Variants in KSR2 observed in about 807,000 individuals in gnomAD.
The protein encoded by KSR2 is kinase suppressor of ras 2.
In KSR2, 25 loss-of-function variants were observed where a neutral mutation model predicts 107.8. The ratio of observed to expected loss-of-function variants is 0.23; its 90% CI spans 0.17 to 0.32. KSR2 has a LOEUF of 0.32. Ranked by LOEUF, KSR2 falls within the 10% of genes least tolerant of loss-of-function variation. The pLI is 1.00. For missense variants in KSR2, 887 were observed against 1,268.9 expected (o/e 0.70, Z 4.57); for synonymous variants, 480 against 507.0 (o/e 0.95, Z 0.71).
intron 1 of KSR2, among the ~76,000 whole-genome samples, chr12:117,864,942 G>A (rs764063259): frequency 1.3e-5 from 2 of 152,020 alleles, no homozygotes; most frequent in Non-Finnish European, 2.9e-5. Context: ...GAACATGGAC[G>A]TTTGAAAGAC....
chr12:117,682,248 A>C (rs1885394072), intron 4 of KSR2, among the ~76,000 whole-genome samples: 2 of 151,866 alleles, frequency 1.3e-5, no homozygotes, highest in Admixed American at 6.6e-5. Flanking sequence ...GAAGGGAACA[A>C]CACACACTGG....
intron 4 of KSR2, chr12:117,674,529 C>T (rs552651469): frequency 3.7e-4 from 147 of 398,894 alleles, no homozygotes; most frequent in Admixed American, 1.0e-3. Context: ...CCTCCAGCCC[C>T]TGCACCACCA....
At chr12:117,940,577 G>A (rs1177743531) in intron 1 of KSR2, among the ~76,000 whole-genome samples, 2 of 152,150 alleles carry the variant, frequency 1.3e-5, no homozygotes, top group African/African-American at 4.8e-5. Flanking sequence ...CAAACATAAT[G>A]TATAAACCTT....
At chr12:117,512,593 GTGA>G (rs1489132612) in intron 14 of KSR2, among the ~76,000 whole-genome samples, 1 of 152,132 alleles carries the variant, frequency 6.6e-6, no homozygotes, top group Non-Finnish European at 1.5e-5. Flanking sequence ...ACGTTTCAGT[GTGA>G]AATCCATGCC....
chr12:117,652,289 G>A (rs1883937695), intron 5 of KSR2, among the ~76,000 whole-genome samples: 2 of 151,930 alleles, frequency 1.3e-5, no homozygotes, highest in Admixed American at 6.6e-5. Flanking sequence ...AATACCACCT[G>A]TACCCCAATA....
At chr12:117,947,199 A>C (rs534471085) in intron 1 of KSR2, among the ~76,000 whole-genome samples, 2 of 35,788 alleles carry the variant, frequency 5.6e-5, no homozygotes, top group Non-Finnish European at 1.0e-4. Flanking sequence ...AAGAAAGAAA[A>C]GAAAGAAAAG....
intron 14 of KSR2, among the ~76,000 whole-genome samples, chr12:117,494,977 C>T (rs920858779): frequency 6.6e-6 from 1 of 152,336 alleles, no homozygotes; most frequent in Admixed American, 6.5e-5. Context: ...TGGCTGGAAT[C>T]CAAAGAGTGT....
Position 117,902,328 on chromosome 12 carries a change from C to T in KSR2, c.181-41897G>A, listed in dbSNP as rs145260640. ...CAAAAATTAGCTGGGCGTGGTGGCGCGTGTCAATAATCCCAGCTACTTGGG... is the reference window on the plus strand; with the variant it reads ...CAAAAATTAGCTGGGCGTGGTGGCGTGTGTCAATAATCCCAGCTACTTGGG... On this transcript the variant is annotated intron_variant, in intron 1 of 19. Transcript: ENST00000339824. Among the ~76,000 whole-genome samples, 1,193 of 151,746 alleles carry T rather than the reference C, an allele frequency of 7.9e-3. 18 individuals are homozygous for T. Among genetic ancestry groups the T allele is most frequent in the African/African-American group, 0.026 (1,091 of 41,350 alleles).
intron 17 of KSR2, among the ~76,000 whole-genome samples, chr12:117,474,597 C>A (rs1447583656): frequency 6.6e-6 from 1 of 152,088 alleles, no homozygotes. Flanking sequence ...CAAGGTTAGG[C>A]AAGGATTTGC....
At chr12:117,477,189 C>T (rs1405594407) in intron 16 of KSR2, among the ~76,000 whole-genome samples, 2 of 152,170 alleles carry the variant, frequency 1.3e-5, no homozygotes, top group East Asian at 3.9e-4. Context: ...AACCTCCATC[C>T]TCAAGGCTTC....
intron 1 of KSR2, among the ~76,000 whole-genome samples, chr12:117,933,811 T>C (rs1365403142): frequency 6.6e-6 from 1 of 152,068 alleles, no homozygotes; most frequent in African/African-American, 2.4e-5. Flanking sequence ...CTCAGTAAAG[T>C]TATGTAACTT....
intron 14 of KSR2, among the ~76,000 whole-genome samples, chr12:117,502,543 T>C (rs1369049969): frequency 1.3e-5 from 2 of 152,158 alleles, no homozygotes; most frequent in East Asian, 3.8e-4. Flanking sequence ...ATCGAATCGA[T>C]TCCGTTTTTT....
intron 15 of KSR2, among the ~76,000 whole-genome samples, chr12:117,484,917 A>G (rs1038324333): frequency 6.6e-6 from 1 of 152,222 alleles, no homozygotes; most frequent in African/African-American, 2.4e-5. Context: ...AGATAGTCAG[A>G]TCTACTTAAC....
intron 4 of KSR2, among the ~76,000 whole-genome samples, chr12:117,719,509 TTGCATTCAA>T (rs1887125325): frequency 6.6e-6 from 1 of 152,190 alleles, no homozygotes; most frequent in Non-Finnish European, 1.5e-5. Flanking sequence ...AATTCAGGTC[TTGCATTCAA>T]TGTGGCAACA....
At chr12:117,760,421 T>C (rs376683702) in intron 4 of KSR2, among the ~76,000 whole-genome samples, 1 of 152,244 alleles carries the variant, frequency 6.6e-6, no homozygotes, top group African/African-American at 2.4e-5. Context: ...AAAATATCTC[T>C]GTAATGATAT....
At chr12:117,746,986 A>C (rs992336820) in intron 4 of KSR2, among the ~76,000 whole-genome samples, 27 of 152,158 alleles carry the variant, frequency 1.8e-4, no homozygotes, top group African/African-American at 6.3e-4. Context: ...TGTTGGTGGG[A>C]GTGTAAATTA....
rs1872351129 is a variant in KSR2 at position 117,484,553 on chromosome 12, C to A, written c.2317-4G>T. ...TGGCGTGGAGGTAGCCCATGCCCTG[C>A]AAGAAGCAAGGAACAGAGAGTTGCC... On this transcript the variant is annotated splice_polypyrimidine_tract_variant and splice_region_variant and intron_variant, in intron 15 of 19. Transcript: ENST00000339824. 6.2e-7 allele frequency: 1 copy of A among 1,613,492 alleles called. No homozygotes were observed. Among genetic ancestry groups the A allele is most frequent in the Non-Finnish European group, 8.5e-7 (1 of 1,179,614 alleles).
intron 7 of KSR2, among the ~76,000 whole-genome samples, chr12:117,573,700 T>G (rs113866699): frequency 0.033 from 5,068 of 151,904 alleles, 264 homozygotes; most frequent in African/African-American, 0.12. Context: ...GCTAATTTTT[T>G]GTATTTTTAG....
chr12:117,517,827 G>A lies in KSR2; in HGVS notation c.2219+7025C>T, dbSNP rs114925361. 692 of 455,934 alleles carry A rather than the reference G, an allele frequency of 1.5e-3. 6 individuals carry two copies. Among genetic ancestry groups the A allele is most frequent in the African/African-American group, 0.012 (578 of 50,162 alleles). 28.2% of individuals were successfully genotyped at this position (455,934 alleles called of 1,614,324 possible). ...TGCTCAGGCCCCCCAACTCCTGTAC[G>A]TTATATTTAGGACAATCAAACTGGC... On this transcript the variant is annotated intron_variant, in intron 14 of 19. Transcript: ENST00000339824.
Sources: allele counts gnomAD v4.1 joint callset (sites outside exome capture counted in the v4.1 genomes callset), GRCh38; gene constraint gnomAD v4.1.1; transcripts MANE v1.5; gene names NCBI Gene and HGNC (gene_info 2026-07-23, HGNC 2026-07-21).